NXPE2: variants seen among roughly 807,000 people sequenced by gnomAD.
The protein encoded by NXPE2 is neurexophilin and PC-esterase domain family member 2, also known as NXPE family member 2.
Under a neutral mutation model 34.4 loss-of-function variants are expected in NXPE2, and 34 were observed. The observed-to-expected ratio is 0.99, with a 90% confidence interval of 0.75 to 1.31. The LOEUF (loss-of-function observed/expected upper bound fraction) is 1.31. NXPE2 is among the 40% of genes most tolerant of loss of function. The probability of loss-of-function intolerance (pLI) is 0.00; values close to 1 mark genes in which losing one functional copy is unlikely to be tolerated. For missense variants in NXPE2, 649 were observed against 672.5 expected, an observed-to-expected ratio of 0.97 and a Z score of 0.39; for synonymous variants, 235 against 231.3, an observed-to-expected ratio of 1.02 and a Z score of -0.15.
intron 3 of NXPE2, among the ~76,000 whole-genome samples, chr11:114,699,772 T>A (rs189387865): frequency 6.2e-4 from 93 of 149,566 alleles, no homozygotes; most frequent in African/African-American, 2.2e-3. Context: ...GCATTAAGTG[T>A]TAACTACTTT....
At chr11:114,540,545 G>A in the NXPE2 span, among the ~76,000 whole-genome samples, 5 of 152,160 alleles carry the variant, frequency 3.3e-5, no homozygotes, top group African/African-American at 1.2e-4. Context: ...TGGGAAAAGA[G>A]GAAGGAGAGT....
chr11:114,576,480 C>A, the NXPE2 span, among the ~76,000 whole-genome samples: 1 of 151,670 alleles, frequency 6.6e-6, no homozygotes, highest in South Asian at 2.1e-4. Flanking sequence ...CCAGAATCTA[C>A]AAAGAACTCA....
At chr11:114,499,756 C>G in the NXPE2 span, among the ~76,000 whole-genome samples, 409 of 152,246 alleles carry the variant, frequency 2.7e-3, 3 homozygotes, top group African/African-American at 8.7e-3. Context: ...CAAATGTTCT[C>G]TCATGTCACC....
At chr11:114,507,474 A>G in the NXPE2 span, among the ~76,000 whole-genome samples, 1 of 152,168 alleles carries the variant, frequency 6.6e-6, no homozygotes, top group Non-Finnish European at 1.5e-5. Flanking sequence ...CTTGATGAAC[A>G]TCGATGCAAA....
At chr11:114,575,465 C>T in the NXPE2 span, among the ~76,000 whole-genome samples, 1 of 151,940 alleles carries the variant, frequency 6.6e-6, no homozygotes, top group Non-Finnish European at 1.5e-5. Flanking sequence ...CAAAAAGCTC[C>T]CAGAACTGGT....
chr11:114,492,162 T>C, the NXPE2 span, among the ~76,000 whole-genome samples: 1 of 152,142 alleles, frequency 6.6e-6, no homozygotes, highest in Admixed American at 6.5e-5. Flanking sequence ...AGTATAATAA[T>C]AATAAAATAA....
chr11:114,754,035 C>A, the NXPE2 span, among the ~76,000 whole-genome samples: 151 of 152,284 alleles, frequency 9.9e-4, no homozygotes, highest in Admixed American at 8.2e-3. Flanking sequence ...TAAATCACTT[C>A]TTTGTGCCTC....
chr11:114,623,250 G>T, the NXPE2 span, among the ~76,000 whole-genome samples: 1 of 152,018 alleles, frequency 6.6e-6, no homozygotes, highest in African/African-American at 2.4e-5. Context: ...CTGTTTCCCG[G>T]TGGGTAATAC....
the NXPE2 span, among the ~76,000 whole-genome samples, chr11:114,569,585 A>C: frequency 6.6e-6 from 1 of 152,112 alleles, no homozygotes; most frequent in Non-Finnish European, 1.5e-5. Flanking sequence ...GTAGTGCCCA[A>C]AGTACCACAT....
chr11:114,520,848 G>T, the NXPE2 span, among the ~76,000 whole-genome samples: 1 of 152,112 alleles, frequency 6.6e-6, no homozygotes, highest in African/African-American at 2.4e-5. Context: ...TTCATAGGTG[G>T]TGTTGTATAC....
upstream of NXPE2, among the ~76,000 whole-genome samples, chr11:114,678,195 A>G (rs1950879825): frequency 6.6e-6 from 1 of 152,092 alleles, no homozygotes; most frequent in South Asian, 2.1e-4. Flanking sequence ...TTTTTCAGTT[A>G]CTTTTCCTGC....
At chr11:114,631,989 T>C in the NXPE2 span, among the ~76,000 whole-genome samples, 1 of 149,082 alleles carries the variant, frequency 6.7e-6, no homozygotes, top group Admixed American at 6.8e-5. Flanking sequence ...TATTGCCTCA[T>C]AGGTAACAGC....
At chr11:114,658,524 A>G in the NXPE2 span, among the ~76,000 whole-genome samples, 1 of 152,174 alleles carries the variant, frequency 6.6e-6, no homozygotes, top group Non-Finnish European at 1.5e-5. Context: ...GCTGCCTCAA[A>G]GGGAAAGACA....
At chr11:114,712,846 T>C in the NXPE2 span, among the ~76,000 whole-genome samples, 56 of 152,200 alleles carry the variant, frequency 3.7e-4, 2 homozygotes, top group Non-Finnish European at 1.6e-4. Context: ...ATCACAAGAC[T>C]ATTTCCAATA....
the NXPE2 span, chr11:114,571,259 A>G: frequency 1.2e-6 from 2 of 1,614,020 alleles, no homozygotes; most frequent in African/African-American, 1.3e-5. Context: ...AGGGTCTGAA[A>G]TGCTGGCCCA....
At chr11:114,599,943 C>T in the NXPE2 span, among the ~76,000 whole-genome samples, 1 of 151,976 alleles carries the variant, frequency 6.6e-6, no homozygotes, top group African/African-American at 2.4e-5. Context: ...TCTATGAGTT[C>T]ATATCTATAC....
the NXPE2 span, among the ~76,000 whole-genome samples, chr11:114,525,305 G>A: frequency 6.6e-6 from 1 of 151,658 alleles, no homozygotes; most frequent in African/African-American, 2.4e-5. Flanking sequence ...TATTAGATAG[G>A]GAGACTAATA....
chr11:114,478,861 G>A, the NXPE2 span, among the ~76,000 whole-genome samples: 4 of 152,150 alleles, frequency 2.6e-5, no homozygotes, highest in East Asian at 1.9e-4. Flanking sequence ...TGTCCTGGGC[G>A]CCAGGGACAA....
chr11:114,798,656 A>G, the NXPE2 span, among the ~76,000 whole-genome samples: 1 of 152,240 alleles, frequency 6.6e-6, no homozygotes, highest in South Asian at 2.1e-4. Flanking sequence ...TGCTGGGATT[A>G]CAGGCGTGAG....
Sources: gnomAD v4.1 joint callset for allele counts (sites outside exome capture counted in the v4.1 genomes callset) on GRCh38, gnomAD v4.1.1 for gene constraint, MANE v1.5 for transcripts, NCBI Gene and HGNC (gene_info 2026-07-23, HGNC 2026-07-21) for gene names.